Variants in PTPRQ observed in about 807,000 individuals in gnomAD.
The protein encoded by PTPRQ is phosphatidylinositol phosphatase PTPRQ.
Under a neutral mutation model 246.0 loss-of-function variants are expected in PTPRQ, and 199 were observed. The ratio of observed to expected loss-of-function variants is 0.81; its 90% CI spans 0.72 to 0.91. The LOEUF is 0.91. Ranked by LOEUF, PTPRQ falls within the 40% of genes least tolerant of loss-of-function variation. The pLI is 0.00. For synonymous variants in PTPRQ, 869 were observed against 853.2 expected (o/e 1.02, Z -0.32); for missense variants, 2,624 against 2,528.4 (o/e 1.04, Z -0.81).
At position 80,605,159 on chromosome 12, in the gene PTPRQ, T is replaced by G. The variant is rs1937906825; in HGVS notation, c.4710T>G (p.Cys1570Trp). ...CTGCTGTCATTACTGGACCAACATG[T>G]TATCTGATTGATGTCAAATCGGTAA... The part of the protein sequence containing the change: ...SEPAVITGPT[C>W]YLIDVKSVDN... Residue 1570 changes from cysteine to tryptophan, a missense_variant, in exon 27 of 45, where the codon TGT becomes TGG. Transcript: ENST00000644991. 3.9e-6 allele frequency: 6 copies of G among 1,542,540 alleles called. No homozygotes were observed. Among genetic ancestry groups the G allele is most frequent in the Non-Finnish European group, 5.3e-6 (6 of 1,142,042 alleles).
chr12:80,522,065 A>G (rs1379854945), intron 17 of PTPRQ, among the ~76,000 whole-genome samples: 5 of 152,272 alleles, frequency 3.3e-5, no homozygotes, highest in Middle Eastern at 3.4e-3. Flanking sequence ...TTCTCCTTGA[A>G]GAGGTCCTTC....
chr12:80,482,210 A>G (rs925187672), intron 8 of PTPRQ, among the ~76,000 whole-genome samples: 5 of 149,956 alleles, frequency 3.3e-5, no homozygotes, highest in Admixed American at 3.3e-4. Flanking sequence ...GAGCCCTCAG[A>G]AATAACGCCG....
chr12:80,506,172 T>C lies in PTPRQ; in HGVS notation c.2421T>C (p.Thr807=). ...LKRSNGNEER[T]INTTSLTQNI... is the part of the protein sequence containing the mutation. ...GAAGTAATGGAAATGAGGAAAGAAC[T>C]ATAAATACAACCTCTTTAACCCAAA... Residue 807 remains threonine (T), a synonymous_variant, in exon 15 of 45, where the codon ACT becomes ACC. Coordinates refer to ENST00000644991, the MANE Select transcript of PTPRQ (RefSeq NM_001145026.2). The C allele has an allele frequency of 6.6e-7, 1 of 1,519,742 alleles. No individual in the cohort carries two copies. Among genetic ancestry groups the C allele is most frequent in the Non-Finnish European group, 8.8e-7 (1 of 1,135,568 alleles). The allele number at this position is 1,519,742 out of a possible 1,614,324, so 94.1% of individuals were successfully genotyped here. A position where few individuals can be genotyped will look rare whatever the true frequency, so the allele number is the denominator to read the frequency against.
Position 80,652,762 on chromosome 12 carries a change from C to T in PTPRQ, c.6043C>T (p.Gln2015Ter). 1 of 1,496,730 alleles carries T rather than the reference C, an allele frequency of 6.7e-7. No homozygotes were observed. The highest frequency in any genetic ancestry group is 8.9e-7 in the Non-Finnish European group (1 of 1,125,810). 92.7% of individuals were successfully genotyped at this position (1,496,730 alleles called of 1,614,324 possible). A position where few individuals can be genotyped will look rare whatever the true frequency, so the allele number is the denominator to read the frequency against. The change falls in exon 38 of 45, where the codon CAG (glutamine) becomes TAG (stop). Residue 2015 changes from glutamine (Q) to a stop codon, truncating the protein, a stop_gained. Transcript: ENST00000644991. LOFTEE classifies it high-confidence loss of function. ...TTTACAGGAATTACCAAAATTTCTT[C>T]AGGATCTTTCTTCAACTGATGCTGA... Reference protein sequence around the residue: ...EEFSELPKFLQDLSSTDADLP... With the variant: ...EEFSELPKFL
chr12:80,601,039 C>G (rs1898126044), intron 26 of PTPRQ, among the ~76,000 whole-genome samples: 1 of 151,586 alleles, frequency 6.6e-6, no homozygotes, highest in South Asian at 2.1e-4. Context: ...AACAGTATTC[C>G]CTTACCTCCT....
At position 80,642,446 on chromosome 12, in the gene PTPRQ, CAAAAG is replaced by C. The variant is rs537832653; in HGVS notation, c.5916-6448_5916-6444del. Reference sequence around the variant, plus strand: ...GTTTTCATTTAGAATACATGGTTGACAAAAGAAGACTTCTGGCAAGAATATTTCTT... The same window carrying C: ...GTTTTCATTTAGAATACATGGTTGACAAGACTTCTGGCAAGAATATTTCTT... On this transcript the variant is annotated intron_variant, in intron 35 of 44. Transcript: ENST00000644991. 1.4e-4 allele frequency among the ~76,000 whole-genome samples: 22 copies of C among 152,212 alleles called. 1 individual carries two copies. In the South Asian group the frequency reaches 4.6e-3, roughly 32 times the overall value.
At chr12:80,490,972 T>A (rs1894429246) in intron 9 of PTPRQ, among the ~76,000 whole-genome samples, 1 of 151,982 alleles carries the variant, frequency 6.6e-6, no homozygotes, top group Non-Finnish European at 1.5e-5. Context: ...ACACACTTAG[T>A]GATAACATTC....
At chr12:80,652,159 G>A (rs899608273) in intron 37 of PTPRQ, among the ~76,000 whole-genome samples, 7 of 152,190 alleles carry the variant, frequency 4.6e-5, no homozygotes, top group African/African-American at 1.4e-4. Context: ...AAGGTAGATA[G>A]ATAATATCAT....
intron 25 of PTPRQ, chr12:80,586,900 T>C (rs539179371): frequency 6.6e-6 from 1 of 152,338 alleles, no homozygotes; most frequent in African/African-American, 2.4e-5. Context: ...TAGAGATTAT[T>C]TGAATTATAT....
chr12:80,503,423 A>G (rs925911043), intron 14 of PTPRQ, among the ~76,000 whole-genome samples: 2 of 151,836 alleles, frequency 1.3e-5, no homozygotes, highest in African/African-American at 4.8e-5. Flanking sequence ...AGTTTTTCCT[A>G]TTAAGTGTGC....
chr12:80,471,420 C>T (rs1404561780), intron 7 of PTPRQ, among the ~76,000 whole-genome samples: 2 of 141,042 alleles, frequency 1.4e-5, no homozygotes, highest in Admixed American at 7.2e-5. Context: ...AGAAGCTAAA[C>T]TAGAAATATT....
chr12:80,505,034 A>G (rs1894910759), intron 14 of PTPRQ, among the ~76,000 whole-genome samples: 2 of 151,840 alleles, frequency 1.3e-5, no homozygotes, highest in African/African-American at 4.8e-5. Context: ...TCAGTATAAT[A>G]ACCCTGGTTA....
intron 33 of PTPRQ, among the ~76,000 whole-genome samples, chr12:80,626,518 C>CA (rs2121151551): frequency 6.6e-6 from 1 of 152,270 alleles, no homozygotes; most frequent in Admixed American, 6.5e-5. Context: ...CATGCATCTT[C>CA]ACTGCAACTC....
At chr12:80,657,900 A>G in intron 38 of PTPRQ, 85 bp from the exon 39 acceptor site, 2 of 987,726 alleles carry the variant, frequency 2.0e-6, no homozygotes, top group South Asian at 2.4e-5. Context: ...TTATATTATG[A>G]ACTCCTTTGT....
Position 80,566,477 on chromosome 12 carries a change from CA to C in PTPRQ, c.4285+16754del, listed in dbSNP as rs570905684. Among the ~76,000 whole-genome samples the C allele has an allele frequency of 2.5e-3, 368 of 144,668 alleles. 4 individuals are homozygous for C. Among genetic ancestry groups the C allele is most frequent in the African/African-American group, 7.2e-3 (284 of 39,628 alleles). 94.9% of individuals were successfully genotyped at this position (144,668 alleles called of 152,430 possible). The stretch of plus-strand genomic sequence containing the variant: ...TGGGGGACAGAGCGAGACTCCATCT[CA>C]AAAAAAAAAATTAATAGCCAAATAG... On this transcript the variant is annotated intron_variant, in intron 25 of 44. Coordinates refer to ENST00000644991, the MANE Select transcript of PTPRQ (RefSeq NM_001145026.2).
intron 3 of PTPRQ, among the ~76,000 whole-genome samples, chr12:80,452,674 A>T (rs932416524): frequency 1.3e-5 from 2 of 152,136 alleles, no homozygotes; most frequent in Admixed American, 6.5e-5. Flanking sequence ...TCTTTTCTTT[A>T]AGAATGTTGA....
chr12:80,649,521 G>A, intron 36 of PTPRQ, 67 bp from the exon 37 acceptor site: 1 of 1,508,340 alleles, frequency 6.6e-7, no homozygotes, highest in Non-Finnish European at 8.9e-7. Context: ...AGTGAAGCCA[G>A]TGCCAATGCT....
At chr12:80,505,129 C>G (rs1894915218) in intron 14 of PTPRQ, among the ~76,000 whole-genome samples, 1 of 151,900 alleles carries the variant, frequency 6.6e-6, no homozygotes, top group Non-Finnish European at 1.5e-5. Flanking sequence ...TAGTCTTTCT[C>G]TGACACACTA....
intron 17 of PTPRQ, among the ~76,000 whole-genome samples, chr12:80,531,413 A>G (rs1434727092): frequency 2.6e-5 from 4 of 152,200 alleles, no homozygotes; most frequent in Non-Finnish European, 5.9e-5. Flanking sequence ...AAGCAAGAGT[A>G]ACAACTTATT....
Sources: gnomAD v4.1 joint callset for allele counts (sites outside exome capture counted in the v4.1 genomes callset) on GRCh38, gnomAD v4.1.1 for gene constraint, MANE v1.5 for transcripts, NCBI Gene and HGNC (gene_info 2026-07-23, HGNC 2026-07-21) for gene names.